GLRA2: variants seen among roughly 807,000 people sequenced by gnomAD.
The protein encoded by GLRA2 is glycine receptor subunit alpha-2.
A neutral mutation model predicts 31.6 loss-of-function variants in GLRA2; 11 were observed. The ratio of observed to expected loss-of-function variants is 0.35; its 90% confidence interval spans 0.22 to 0.58. The LOEUF (loss-of-function observed/expected upper bound fraction) is 0.58. Ranked by LOEUF, GLRA2 falls within the 20% of genes least tolerant of loss-of-function variation. The pLI is 0.84. For synonymous variants in GLRA2, 132 were observed against 134.0 expected (o/e 0.99, Z 0.10); for missense variants, 212 against 351.8 (o/e 0.60, Z 3.18).
At chrX:14,691,402 C>T (rs976843752) in intron 8 of GLRA2, among the ~76,000 whole-genome samples, 3 of 109,216 alleles carry the variant, frequency 2.7e-5, no homozygotes, top group Non-Finnish European at 5.7e-5. Context: ...TAAATTATGC[C>T]GTACCCATGT....
the GLRA2 span, among the ~76,000 whole-genome samples, chrX:14,501,006 A>G: frequency 9.1e-6 from 1 of 110,400 alleles, no homozygotes; most frequent in Non-Finnish European, 1.9e-5. Context: ...TATAAAATTG[A>G]TAAAATGATT....
intron 3 of GLRA2, chrX:14,574,693 A>T (rs1203523571): frequency 1.0e-5 from 5 of 485,967 alleles, no homozygotes; most frequent in Non-Finnish European, 1.8e-5. Flanking sequence ...GCAATAATTT[A>T]TACTACTTTA....
intron 7 of GLRA2, among the ~76,000 whole-genome samples, chrX:14,636,375 T>A (rs11796086): frequency 2.0e-3 from 226 of 111,091 alleles, no homozygotes; most frequent in Admixed American, 6.0e-3. Context: ...ATAAGTCATA[T>A]TGATTGTATA....
At chrX:14,592,162 C>T (rs904819964) in intron 4 of GLRA2, among the ~76,000 whole-genome samples, 1 of 111,703 alleles carries the variant, frequency 9.0e-6, no homozygotes, top group African/African-American at 3.3e-5. Flanking sequence ...AACCACAAAA[C>T]ACTTTCCTGA....
chrX:14,474,090 C>T, the GLRA2 span, among the ~76,000 whole-genome samples: 2 of 111,755 alleles, frequency 1.8e-5, no homozygotes, highest in Non-Finnish European at 3.8e-5. Context: ...GCCTAAGTGG[C>T]TGTGTGTGTA....
chrX:14,522,564 T>A, the GLRA2 span, among the ~76,000 whole-genome samples: 1 of 112,455 alleles, frequency 8.9e-6, no homozygotes, highest in Admixed American at 9.4e-5. Flanking sequence ...ATTAGAGGAA[T>A]CACTGTCTAT....
At chrX:14,636,507 C>A in intron 7 of GLRA2, among the ~76,000 whole-genome samples, 1 of 110,893 alleles carries the variant, frequency 9.0e-6, no homozygotes, top group East Asian at 2.8e-4. Context: ...GGACATGTTA[C>A]AAAATACCTG....
At chrX:14,630,467 C>T (rs2090632405) in intron 7 of GLRA2, among the ~76,000 whole-genome samples, 1 of 111,551 alleles carries the variant, frequency 9.0e-6, no homozygotes, top group Non-Finnish European at 1.9e-5. Flanking sequence ...CATCAAGCTT[C>T]TTAGATTTGC....
chrX:14,633,395 T>C (rs1295370509), intron 7 of GLRA2, among the ~76,000 whole-genome samples: 2 of 111,540 alleles, frequency 1.8e-5, no homozygotes, highest in African/African-American at 6.5e-5. Context: ...CTTGAAAGGC[T>C]GAGGCAGGAG....
intron 2 of GLRA2, among the ~76,000 whole-genome samples, chrX:14,552,636 G>A (rs947841950): frequency 8.9e-6 from 1 of 111,817 alleles, no homozygotes; most frequent in Non-Finnish European, 1.9e-5. Context: ...CATATGACTG[G>A]AGATGAATGT....
intron 7 of GLRA2, among the ~76,000 whole-genome samples, chrX:14,626,837 C>A (rs2090594061): frequency 8.9e-6 from 1 of 111,899 alleles, no homozygotes; most frequent in Admixed American, 9.5e-5. Flanking sequence ...ATGAATCTCT[C>A]AAATCTAATG....
chrX:14,510,744 T>C, the GLRA2 span, among the ~76,000 whole-genome samples: 1 of 111,275 alleles, frequency 9.0e-6, no homozygotes, highest in Non-Finnish European at 1.9e-5. Flanking sequence ...GCACAAAATA[T>C]GAATTATGGC....
the GLRA2 span, among the ~76,000 whole-genome samples, chrX:14,457,697 T>C: frequency 0.037 from 4,138 of 110,998 alleles, 204 homozygotes; most frequent in African/African-American, 0.13. Context: ...TGATTTATAA[T>C]CCTTTGGGTA....
At chrX:14,550,380 G>A (rs953876425) in intron 2 of GLRA2, among the ~76,000 whole-genome samples, 2 of 110,171 alleles carry the variant, frequency 1.8e-5, no homozygotes, top group African/African-American at 3.3e-5. Context: ...AGGAGCAGGA[G>A]GAATCAATCT....
At position 14,564,204 on chromosome X, in the gene GLRA2, A is replaced by G. The variant is rs779400808; in HGVS notation, c.203-10129A>G. On this transcript the variant is annotated intron_variant, in intron 2 of 8. Transcript: ENST00000218075. ...CAAAAACAATGAGGACACTGTAATA[A>G]CAGCAAGAGAAAAACAACTCATTAC... Among the ~76,000 whole-genome samples, 12 of 111,392 alleles carry G rather than the reference A, an allele frequency of 1.1e-4. No homozygotes were observed. The South Asian group carries it at 4.6e-3, about 42-fold the overall frequency.
chrX:14,560,290 A>C (rs1467719127), intron 2 of GLRA2, among the ~76,000 whole-genome samples: 1 of 112,478 alleles, frequency 8.9e-6, no homozygotes, highest in African/African-American at 3.2e-5. Context: ...TGCAAAGTGA[A>C]AATGCCACTT....
At chrX:14,730,133 T>C in intron 8 of GLRA2, 74 bp from the exon 9 acceptor site, 1 of 787,779 alleles carries the variant, frequency 1.3e-6, no homozygotes, top group Non-Finnish European at 1.9e-6. Context: ...CTTTTACTTC[T>C]AAAGAATTTT....
intron 1 of GLRA2, among the ~76,000 whole-genome samples, chrX:14,530,613 T>C (rs1370666288): frequency 1.8e-5 from 2 of 111,982 alleles, no homozygotes; most frequent in African/African-American, 6.5e-5. Flanking sequence ...TCAGGAATTT[T>C]CTTGAAATAT....
chrX:14,630,867 T>C (rs1163034283), intron 7 of GLRA2, among the ~76,000 whole-genome samples: 1 of 107,718 alleles, frequency 9.3e-6, no homozygotes, highest in East Asian at 2.9e-4. Context: ...GTGGGCGGTC[T>C]CTGCTTTTAA....
Sources: gnomAD v4.1 joint callset for allele counts (sites outside exome capture counted in the v4.1 genomes callset) on GRCh38, gnomAD v4.1.1 for gene constraint, MANE v1.5 for transcripts, NCBI Gene and HGNC (gene_info 2026-07-23, HGNC 2026-07-21) for gene names.